HADH: variants seen among roughly 807,000 people sequenced by gnomAD.
The protein encoded by HADH is hydroxyacyl-CoA dehydrogenase, also known as hydroxyacyl-coenzyme A dehydrogenase, mitochondrial.
In HADH, 24 loss-of-function variants were observed where a neutral mutation model predicts 32.2. The observed-to-expected ratio is 0.75, with a 90% CI of 0.54 to 1.05. HADH has a LOEUF of 1.05. Among genes scored for constraint, HADH ranks in the 50% least tolerant of loss-of-function variants. HADH has a pLI of 0.00. For synonymous variants in HADH, 139 were observed against 152.5 expected, an observed-to-expected ratio of 0.91 and a Z score of 0.65; for missense variants, 350 against 397.1, an observed-to-expected ratio of 0.88 and a Z score of 1.01.
chr4:108,006,706 C>T (rs925869559), intron 1 of HADH, among the ~76,000 whole-genome samples: 4 of 152,184 alleles, frequency 2.6e-5, no homozygotes, highest in Non-Finnish European at 5.9e-5. Flanking sequence ...CTTTGAGAAC[C>T]CTTGTCCTAG....
intron 6 of HADH, chr4:108,032,334 A>G (rs1452547533): frequency 6.3e-7 from 1 of 1,599,982 alleles, no homozygotes; most frequent in African/African-American, 1.3e-5. Context: ...CAGACTTCCA[A>G]ACGTGTGGTG....
chr4:108,016,435 C>G (rs1198425047), intron 3 of HADH, among the ~76,000 whole-genome samples: 2 of 152,180 alleles, frequency 1.3e-5, no homozygotes, highest in Non-Finnish European at 2.9e-5. Flanking sequence ...CAATCAGTGT[C>G]CTCGTGCATT....
chr4:108,002,981 ACAG>A (rs1330001075), intron 1 of HADH, among the ~76,000 whole-genome samples: 1 of 152,162 alleles, frequency 6.6e-6, no homozygotes, highest in Non-Finnish European at 1.5e-5. Context: ...AATCCTCACA[ACAG>A]TTTTATGAGG....
At chr4:108,000,248 AT>A (rs1211981140) in intron 1 of HADH, among the ~76,000 whole-genome samples, 2 of 152,230 alleles carry the variant, frequency 1.3e-5, no homozygotes, top group African/African-American at 4.8e-5. Context: ...ATCATTACAC[AT>A]TTTAGGCAGG....
At chr4:107,998,057 C>G (rs1735008257) in intron 1 of HADH, among the ~76,000 whole-genome samples, 1 of 152,190 alleles carries the variant, frequency 6.6e-6, no homozygotes, top group Non-Finnish European at 1.5e-5. Flanking sequence ...TTTATTCAGT[C>G]AACATTCCCT....
intron 1 of HADH, among the ~76,000 whole-genome samples, chr4:108,001,451 A>G (rs1735116034): frequency 6.6e-6 from 1 of 152,212 alleles, no homozygotes. Flanking sequence ...GAAACTGAAG[A>G]GTTTCAAAAA....
At position 108,009,765 on chromosome 4, in the gene HADH, G is replaced by T; in HGVS notation, c.139G>T (p.Ala47Ser). The T allele has an allele frequency of 6.2e-7, 1 of 1,613,636 alleles. No individual in the cohort carries two copies. The highest frequency in any genetic ancestry group is 8.5e-7 in the Non-Finnish European group (1 of 1,179,550). The change falls in exon 2 of 8, where the codon GCA (alanine) becomes TCA (serine). Residue 47 changes from alanine (A) to serine (S), a missense_variant. Transcript: ENST00000309522. ...TGTTCTTTTGTTGCTCTAGGTTGCT[G>T]CAGCAACTGGTCACACAGTAGTGTT... is the stretch of plus-strand genomic sequence containing the variant. ...LMGAGIAQVA[A>S]ATGHTVVLVD...
intron 3 of HADH, among the ~76,000 whole-genome samples, chr4:108,017,675 C>T (rs2126231036): frequency 6.6e-6 from 1 of 152,038 alleles, no homozygotes; most frequent in Non-Finnish European, 1.5e-5. Flanking sequence ...CTGCCTCAGC[C>T]TCCCTAGTGG....
At chr4:108,027,603 TAAG>T in intron 5 of HADH, 82 bp from the exon 6 acceptor site, 1 of 857,134 alleles carries the variant, frequency 1.2e-6, no homozygotes, top group Non-Finnish European at 2.0e-6. Flanking sequence ...TGATCCAGGG[TAAG>T]AAGGGGCAAT....
At chr4:107,995,092 C>G (rs1734917259) in intron 1 of HADH, among the ~76,000 whole-genome samples, 1 of 152,084 alleles carries the variant, frequency 6.6e-6, no homozygotes, top group Admixed American at 6.5e-5. Context: ...ACCTCACTCT[C>G]TAGTTCTCCT....
intron 1 of HADH, among the ~76,000 whole-genome samples, chr4:107,998,011 C>A (rs1401154287): frequency 1.3e-5 from 2 of 152,166 alleles, no homozygotes; most frequent in Admixed American, 1.3e-4. Flanking sequence ...GTGGAAAGAG[C>A]CACCAGGTCT....
At chr4:108,032,730 C>G (rs542782847) in intron 6 of HADH, 49 of 338,152 alleles carry the variant, frequency 1.4e-4, no homozygotes, top group African/African-American at 9.9e-4. Flanking sequence ...CACCTGTAAT[C>G]TTAGCACTTT....
At chr4:108,013,322 G>A (rs1220504454) in intron 2 of HADH, among the ~76,000 whole-genome samples, 1 of 152,182 alleles carries the variant, frequency 6.6e-6, no homozygotes, top group Non-Finnish European at 1.5e-5. Flanking sequence ...AGAGCCCTGG[G>A]CTGAGGGTTG....
chr4:108,009,977 C>CTTTTTTTT (rs11388783), intron 2 of HADH, 90 bp downstream of exon 2: 34 of 552,012 alleles, frequency 6.2e-5, no homozygotes, highest in African/African-American at 2.2e-4. Context: ...TTCTTTCTTT[C>CTTTTTTTT]TTTTTTTTTT....
intron 1 of HADH, among the ~76,000 whole-genome samples, chr4:107,995,951 A>G (rs7695445): frequency 0.011 from 1,646 of 152,256 alleles, 27 homozygotes; most frequent in African/African-American, 0.038. Context: ...CCTTCTGCCC[A>G]TGGTAGACTC....
In HADH at chr4:108,034,888, TC is replaced by T; in HGVS notation, c.*532del. On this transcript the variant is annotated 3_prime_UTR_variant, in exon 8 of 8. Transcript: ENST00000309522. Reference sequence around the variant, plus strand: ...GGCATGACATAAGATGTGTCTTTATTCAGCTCGTCGTGAAGATGCTGCTGCT... The same window carrying T: ...GGCATGACATAAGATGTGTCTTTATTAGCTCGTCGTGAAGATGCTGCTGCT... The T allele has an allele frequency of 1.4e-5, 3 of 213,734 alleles. No homozygotes were observed. Among genetic ancestry groups the T allele is most frequent in the Middle Eastern group, 2.1e-3 (1 of 486 alleles). 13.2% of individuals were successfully genotyped at this position (213,734 alleles called of 1,614,324 possible).
intron 7 of HADH, among the ~76,000 whole-genome samples, chr4:108,033,502 A>G (rs957756273): frequency 6.6e-6 from 1 of 152,198 alleles, no homozygotes; most frequent in African/African-American, 2.4e-5. Flanking sequence ...GAAGAAAAAA[A>G]AACCTTTATG....
chr4:108,026,073 G>A (rs1222730517), intron 5 of HADH: 1 of 152,042 alleles, frequency 6.6e-6, no homozygotes, highest in Non-Finnish European at 1.5e-5. Flanking sequence ...ATGGAGTCTT[G>A]CAGTGTCTCC....
At chr4:108,003,266 G>C (rs908211558) in intron 1 of HADH, among the ~76,000 whole-genome samples, 1 of 152,152 alleles carries the variant, frequency 6.6e-6, no homozygotes, top group African/African-American at 2.4e-5. Context: ...TGTCTTGCTG[G>C]GGGAAGAAGG....
Sources: gnomAD v4.1 joint callset for allele counts (sites outside exome capture counted in the v4.1 genomes callset) on GRCh38, gnomAD v4.1.1 for gene constraint, MANE v1.5 for transcripts, NCBI Gene and HGNC (gene_info 2026-07-23, HGNC 2026-07-21) for gene names.